Variants in PDS5A observed in about 807,000 individuals in gnomAD.
PDS5A encodes sister chromatid cohesion protein PDS5 homolog A.
PDS5A carries 42 observed loss-of-function variants against 167.1 expected under a neutral mutation model. The observed-to-expected ratio is 0.25, with a 90% CI of 0.20 to 0.33. The LOEUF (loss-of-function observed/expected upper bound fraction) is 0.33. Among genes scored for constraint, PDS5A ranks in the 10% least tolerant of loss-of-function variants. PDS5A has a pLI of 1.00. For synonymous variants in PDS5A, 553 were observed against 554.6 expected (o/e 1.00, Z 0.04); for missense variants, 1,033 against 1,605.9 (o/e 0.64, Z 6.10).
chr4:39,865,986 A>G (rs1719413205), intron 23 of PDS5A, among the ~76,000 whole-genome samples: 1 of 152,244 alleles, frequency 6.6e-6, no homozygotes. Flanking sequence ...GCAATTTTAG[A>G]GATTAAAAGT....
chr4:39,940,255 ATTATTT>A (rs1727100532), intron 2 of PDS5A, among the ~76,000 whole-genome samples: 1 of 152,092 alleles, frequency 6.6e-6, no homozygotes, highest in Admixed American at 6.6e-5. Flanking sequence ...AAAAGAACCT[ATTATTT>A]TTAAGAAATA....
chr4:39,970,688 T>C (rs999844164), intron 2 of PDS5A, among the ~76,000 whole-genome samples: 2 of 151,776 alleles, frequency 1.3e-5, no homozygotes, highest in African/African-American at 4.9e-5. Context: ...TTGAATACTT[T>C]GGCCTAACTT....
At chr4:39,886,422 T>C (rs1428979660) in intron 17 of PDS5A, among the ~76,000 whole-genome samples, 1 of 152,226 alleles carries the variant, frequency 6.6e-6, no homozygotes, top group East Asian at 1.9e-4. Flanking sequence ...ATTTTAACAA[T>C]ATTGATTTTG....
intron 32 of PDS5A, among the ~76,000 whole-genome samples, chr4:39,828,587 C>T (rs1035625887): frequency 2.6e-5 from 4 of 152,186 alleles, no homozygotes; most frequent in African/African-American, 9.7e-5. Context: ...ATGAAGTTAA[C>T]AAACCTAAAG....
At chr4:39,876,302 A>T (rs1053824433) in intron 19 of PDS5A, among the ~76,000 whole-genome samples, 1 of 152,202 alleles carries the variant, frequency 6.6e-6, no homozygotes, top group African/African-American at 2.4e-5. Context: ...AGCCAGAACA[A>T]TGCGGAGAAT....
At chr4:39,839,750 A>C (rs1716775076) in intron 31 of PDS5A, among the ~76,000 whole-genome samples, 1 of 36,288 alleles carries the variant, frequency 2.8e-5, no homozygotes, top group African/African-American at 1.1e-4. Flanking sequence ...CAAGAATATG[A>C]TTCTGGGGGG....
chr4:39,861,235 G>A (rs1413860979), intron 26 of PDS5A, among the ~76,000 whole-genome samples: 1 of 151,612 alleles, frequency 6.6e-6, no homozygotes, highest in Non-Finnish European at 1.5e-5. Context: ...CTGAGGCAGG[G>A]GGATCACAAG....
intron 16 of PDS5A, among the ~76,000 whole-genome samples, chr4:39,893,068 T>C (rs935979981): frequency 6.6e-6 from 1 of 152,198 alleles, no homozygotes. Context: ...ATACTGGTAG[T>C]AAACGATATT....
intron 2 of PDS5A, chr4:39,973,186 T>C: frequency 2.6e-6 from 3 of 1,142,572 alleles, no homozygotes; most frequent in South Asian, 2.4e-5. Flanking sequence ...CTCTTTAGCT[T>C]GGTGGGCTTG....
At chr4:39,898,570 A>C in intron 15 of PDS5A, 42 bp from the exon 16 acceptor site, 1 of 1,313,214 alleles carries the variant, frequency 7.6e-7, no homozygotes, top group East Asian at 2.6e-5. Context: ...AAGGAAAAAA[A>C]AAAAACTATT....
intron 28 of PDS5A, 174 bp from the exon 29 acceptor site, chr4:39,846,054 T>C (rs1005202894): frequency 2.3e-5 from 13 of 553,972 alleles, no homozygotes; most frequent in Non-Finnish European, 2.3e-5. Flanking sequence ...ATACCATAAG[T>C]CTAGCTTTAA....
At chr4:39,967,756 G>A (rs1197391544) in intron 2 of PDS5A, among the ~76,000 whole-genome samples, 3 of 152,000 alleles carry the variant, frequency 2.0e-5, no homozygotes, top group East Asian at 1.9e-4. Flanking sequence ...TCAGGAGTTC[G>A]AGACCAGCCT....
Position 39,873,069 on chromosome 4 carries a change from T to A in PDS5A, c.2353A>T (p.Met785Leu). 1 of 1,561,466 alleles carries A rather than the reference T, an allele frequency of 6.4e-7. No homozygotes were observed. The highest frequency in any genetic ancestry group is 8.7e-7 in the Non-Finnish European group (1 of 1,144,078). The change falls in exon 21 of 33, where the codon ATG becomes TTG. Residue 785 changes from methionine (M) to leucine (L), a missense_variant. Coordinates refer to ENST00000303538, the MANE Select transcript of PDS5A (RefSeq NM_001100399.2). The stretch of plus-strand genomic sequence containing the variant: ...GAAGCAAACTGATCTGGTGCTAACA[T>A]AGAAATGTGGCCCAATGAAACTAAT... Reference protein sequence around the residue: ...TPLVSLGHISMLAPDQFASPM... With the variant: ...TPLVSLGHISLLAPDQFASPM...
chr4:39,902,406 T>A lies in PDS5A; in HGVS notation c.1440A>T (p.Thr480=). The A allele has an allele frequency of 6.3e-7, 1 of 1,597,710 alleles. No individual in the cohort carries two copies. Among genetic ancestry groups the A allele is most frequent in the Non-Finnish European group, 8.6e-7 (1 of 1,168,364 alleles). The change falls in exon 13 of 33, where the codon ACA becomes ACT. Residue 480 remains threonine, a synonymous_variant. Coordinates refer to ENST00000303538, the MANE Select transcript of PDS5A (RefSeq NM_001100399.2). ...AQYLVPHNLE[T]EERMKCLYYL... ...AATATAAGCATTTCATTCTCTCTTC[T>A]GTTTCCAGGTTGTGGGGGACAAGAT...
At chr4:39,964,199 C>G (rs984884958) in intron 2 of PDS5A, among the ~76,000 whole-genome samples, 2 of 151,934 alleles carry the variant, frequency 1.3e-5, no homozygotes, top group African/African-American at 2.4e-5. Context: ...TAGGGTAGTA[C>G]AAATAACCTT....
intron 7 of PDS5A, among the ~76,000 whole-genome samples, 175 bp from the exon 8 acceptor site, chr4:39,917,363 C>T (rs148838140): frequency 3.9e-5 from 6 of 151,996 alleles, no homozygotes; most frequent in African/African-American, 1.4e-4. Flanking sequence ...ATCTAAACAG[C>T]AGAAGAAATA....
At chr4:39,963,808 C>G (rs1302592984) in intron 2 of PDS5A, among the ~76,000 whole-genome samples, 1 of 151,332 alleles carries the variant, frequency 6.6e-6, no homozygotes, top group Non-Finnish European at 1.5e-5. Context: ...TGCACTCCAG[C>G]CTAGGTACCA....
chr4:39,950,193 A>G (rs1578808530), intron 2 of PDS5A, among the ~76,000 whole-genome samples: 1 of 152,080 alleles, frequency 6.6e-6, no homozygotes, highest in South Asian at 2.1e-4. Context: ...GAGCCACCGC[A>G]CCCAGCCAAT....
intron 6 of PDS5A, 55 bp from the exon 7 acceptor site, chr4:39,920,454 G>A (rs1188646429): frequency 2.4e-6 from 2 of 830,486 alleles, no homozygotes; most frequent in African/African-American, 1.7e-5. Context: ...TTATGAGATA[G>A]TAACATTAGA....
Sources: gnomAD v4.1 joint callset for allele counts (sites outside exome capture counted in the v4.1 genomes callset) on GRCh38, gnomAD v4.1.1 for gene constraint, MANE v1.5 for transcripts, NCBI Gene and HGNC (gene_info 2026-07-23, HGNC 2026-07-21) for gene names.